The following ENTREP2 variants were observed in gnomAD, a reference collection of about 807,000 sequenced individuals.
The protein encoded by ENTREP2 is protein ENTREP2.
chr15:29,329,639 C>T, the ENTREP2 span, among the ~76,000 whole-genome samples: 2 of 152,112 alleles, frequency 1.3e-5, no homozygotes, highest in African/African-American at 4.8e-5. Flanking sequence ...GGCCAATTTG[C>T]CCATGGACTA....
the ENTREP2 span, among the ~76,000 whole-genome samples, chr15:29,306,779 G>A: frequency 3.4e-5 from 5 of 146,400 alleles, no homozygotes; most frequent in East Asian, 2.0e-4. Context: ...GTGCAGTGGC[G>A]TGATTACCCA....
At chr15:29,159,118 T>A in the ENTREP2 span, among the ~76,000 whole-genome samples, 1 of 152,186 alleles carries the variant, frequency 6.6e-6, no homozygotes, top group Non-Finnish European at 1.5e-5. Flanking sequence ...ACCCTCGCGC[T>A]GAGTGTTACA....
the ENTREP2 span, among the ~76,000 whole-genome samples, chr15:29,585,684 G>A: frequency 5.9e-5 from 9 of 151,280 alleles, no homozygotes; most frequent in East Asian, 5.8e-4. Context: ...GGGAAACCCC[G>A]TCTCTACTAA....
At chr15:29,145,775 C>G in the ENTREP2 span, among the ~76,000 whole-genome samples, 1 of 152,084 alleles carries the variant, frequency 6.6e-6, no homozygotes, top group African/African-American at 2.4e-5. Flanking sequence ...CTAAGAAAGT[C>G]CACTCTCACT....
At chr15:29,219,331 C>T in the ENTREP2 span, among the ~76,000 whole-genome samples, 3 of 151,672 alleles carry the variant, frequency 2.0e-5, no homozygotes, top group South Asian at 2.1e-4. Context: ...TAGATGTTGC[C>T]GTGGATGCAG....
At chr15:29,553,698 T>G in the ENTREP2 span, among the ~76,000 whole-genome samples, 3 of 152,150 alleles carry the variant, frequency 2.0e-5, no homozygotes, top group Non-Finnish European at 4.4e-5. Flanking sequence ...AGCCATCATG[T>G]AGGAAGTCCA....
chr15:29,572,176 C>T, the ENTREP2 span, among the ~76,000 whole-genome samples: 1 of 152,182 alleles, frequency 6.6e-6, no homozygotes, highest in African/African-American at 2.4e-5. Flanking sequence ...GATTTATTTT[C>T]CAATTTAACG....
At chr15:29,195,914 G>A in the ENTREP2 span, among the ~76,000 whole-genome samples, 195 of 152,238 alleles carry the variant, frequency 1.3e-3, 2 homozygotes, top group African/African-American at 4.6e-3. Flanking sequence ...TTTTTAAGTA[G>A]CCAATTTTGC....
At chr15:29,432,849 C>T in the ENTREP2 span, among the ~76,000 whole-genome samples, 66 of 152,232 alleles carry the variant, frequency 4.3e-4, no homozygotes, top group African/African-American at 1.1e-3. Context: ...TGGAGTTGGC[C>T]GGCTCCACTG....
the ENTREP2 span, among the ~76,000 whole-genome samples, chr15:29,523,078 C>T: frequency 2.0e-5 from 3 of 152,202 alleles, no homozygotes. Flanking sequence ...AGGCCCTAAG[C>T]TCTCATCTCC....
the ENTREP2 span, among the ~76,000 whole-genome samples, chr15:29,352,367 T>C: frequency 6.6e-6 from 1 of 152,172 alleles, no homozygotes. Flanking sequence ...ATAAGGCAAA[T>C]CATTATTAAT....
the ENTREP2 span, among the ~76,000 whole-genome samples, chr15:29,361,282 C>A: frequency 6.6e-6 from 1 of 152,182 alleles, no homozygotes; most frequent in African/African-American, 2.4e-5. Flanking sequence ...TCCATCCAAG[C>A]TTTAGCAATT....
chr15:29,303,201 A>G, the ENTREP2 span, among the ~76,000 whole-genome samples: 7 of 152,250 alleles, frequency 4.6e-5, no homozygotes, highest in African/African-American at 1.7e-4. Context: ...CCCCAGGCAT[A>G]GCTGCTGAAA....
the ENTREP2 span, among the ~76,000 whole-genome samples, chr15:29,241,864 C>A: frequency 2.2e-4 from 34 of 152,124 alleles, 1 homozygote; most frequent in African/African-American, 5.1e-4. Flanking sequence ...GAGACCCCCC[C>A]CCACCACCAC....
chr15:29,523,855 C>A, the ENTREP2 span, among the ~76,000 whole-genome samples: 3 of 151,656 alleles, frequency 2.0e-5, no homozygotes, highest in Non-Finnish European at 2.9e-5. Context: ...AAAATTGAAC[C>A]CTTGTCTCAT....
chr15:29,554,387 G>A, the ENTREP2 span, among the ~76,000 whole-genome samples: 2 of 151,336 alleles, frequency 1.3e-5, no homozygotes, highest in Non-Finnish European at 2.9e-5. Context: ...AGGAAGGGAG[G>A]GAGAGAGGGA....
At chr15:29,327,566 G>T in the ENTREP2 span, among the ~76,000 whole-genome samples, 2 of 150,594 alleles carry the variant, frequency 1.3e-5, no homozygotes, top group African/African-American at 2.5e-5. Context: ...CTGCAGTCCA[G>T]GCTGTGCGAC....
At chr15:29,662,211 CAAAAAAA>C in the ENTREP2 span, among the ~76,000 whole-genome samples, 1,050 of 46,990 alleles carry the variant, frequency 0.022, 6 homozygotes, top group African/African-American at 0.066. Flanking sequence ...AACCCTGTCG[CAAAAAAA>C]AAAAAAAAAA....
the ENTREP2 span, among the ~76,000 whole-genome samples, chr15:29,335,916 T>G: frequency 1.3e-5 from 2 of 151,526 alleles, no homozygotes; most frequent in African/African-American, 4.9e-5. Flanking sequence ...CCGAGGCGGG[T>G]GGATCACAAC....
Sources: allele counts gnomAD v4.1 joint callset (sites outside exome capture counted in the v4.1 genomes callset), GRCh38; gene constraint gnomAD v4.1.1; transcripts MANE v1.5; gene names NCBI Gene and HGNC (gene_info 2026-07-23, HGNC 2026-07-21).